KLHL32: variants seen among roughly 807,000 people sequenced by gnomAD.
The protein encoded by KLHL32 is kelch like family member 32.
KLHL32 carries 35 observed loss-of-function variants against 64.8 expected under a neutral mutation model. That is an observed-to-expected ratio of 0.54 (90% confidence interval 0.41 to 0.72). The LOEUF is 0.72. Ranked by LOEUF, KLHL32 falls within the 30% of genes least tolerant of loss-of-function variation. The pLI, the probability that KLHL32 is intolerant of heterozygous loss-of-function variation, is 0.00. For synonymous variants in KLHL32, 259 were observed against 281.0 expected, an observed-to-expected ratio of 0.92 and a Z score of 0.78; for missense variants, 589 against 768.5, an observed-to-expected ratio of 0.77 and a Z score of 2.76.
intron 5 of KLHL32, among the ~76,000 whole-genome samples, chr6:97,068,736 G>T (rs1273484460): frequency 6.6e-6 from 1 of 152,192 alleles, no homozygotes; most frequent in African/African-American, 2.4e-5. Context: ...TCACATAAAT[G>T]TAATTGCAGG....
chr6:96,938,092 G>A (rs1258284696), intron 1 of KLHL32, among the ~76,000 whole-genome samples: 1 of 151,776 alleles, frequency 6.6e-6, no homozygotes, highest in East Asian at 1.9e-4. Flanking sequence ...CAAACAAACA[G>A]AAAAACCCTT....
chr6:97,033,647 A>G (rs140386617), intron 3 of KLHL32, among the ~76,000 whole-genome samples: 6,463 of 152,192 alleles, frequency 0.042, 189 homozygotes, highest in Middle Eastern at 0.065. Flanking sequence ...ACAACCAACA[A>G]TAAACAAGGA....
chr6:96,955,497 G>A (rs539982243), intron 1 of KLHL32, among the ~76,000 whole-genome samples: 294 of 152,154 alleles, frequency 1.9e-3, no homozygotes, highest in African/African-American at 6.6e-3. Flanking sequence ...TTCCTCAAGA[G>A]AAAGATGAAA....
At chr6:97,132,908 A>G (rs1240328960) in intron 10 of KLHL32, among the ~76,000 whole-genome samples, 161 bp downstream of exon 10, 1 of 152,244 alleles carries the variant, frequency 6.6e-6, no homozygotes, top group Non-Finnish European at 1.5e-5. Flanking sequence ...CCTGTATCCT[A>G]AAAATGATGC....
At chr6:97,012,586 C>T (rs1048122988) in intron 3 of KLHL32, among the ~76,000 whole-genome samples, 14 of 152,214 alleles carry the variant, frequency 9.2e-5, no homozygotes, top group African/African-American at 3.4e-4. Context: ...GGTACTATCA[C>T]AGTAGCAAGG....
At chr6:96,992,289 G>T (rs1777971874) in intron 3 of KLHL32, among the ~76,000 whole-genome samples, 1 of 152,208 alleles carries the variant, frequency 6.6e-6, no homozygotes, top group Non-Finnish European at 1.5e-5. Context: ...GACTCTCACT[G>T]ACTCACTCAC....
intron 3 of KLHL32, among the ~76,000 whole-genome samples, chr6:97,011,456 A>C (rs1319537467): frequency 1.3e-5 from 2 of 152,216 alleles, no homozygotes; most frequent in Non-Finnish European, 2.9e-5. Context: ...GTGGGAGTGA[A>C]TCTCAAAGCT....
the KLHL32 span, among the ~76,000 whole-genome samples, chr6:96,909,316 G>C: frequency 1.3e-5 from 2 of 152,152 alleles, no homozygotes; most frequent in Non-Finnish European, 2.9e-5. Flanking sequence ...AAAATTAACT[G>C]CTCTGTTCTG....
At chr6:96,960,857 G>A (rs1773808351) in intron 1 of KLHL32, among the ~76,000 whole-genome samples, 1 of 152,216 alleles carries the variant, frequency 6.6e-6, no homozygotes, top group African/African-American at 2.4e-5. Flanking sequence ...TTGGCATTTG[G>A]TTGAAAGAGT....
At chr6:97,106,357 A>C (rs1796407381) in intron 6 of KLHL32, among the ~76,000 whole-genome samples, 1 of 152,158 alleles carries the variant, frequency 6.6e-6, no homozygotes, top group Non-Finnish European at 1.5e-5. Flanking sequence ...ATCAGTAGGG[A>C]TATGCTGAGA....
intron 3 of KLHL32, chr6:96,999,493 T>A (rs1778783535): frequency 1.1e-6 from 1 of 939,234 alleles, no homozygotes; most frequent in Non-Finnish European, 1.3e-6. Flanking sequence ...TACTCATCTG[T>A]TTTCACCATA....
intron 5 of KLHL32, among the ~76,000 whole-genome samples, chr6:97,084,538 A>G (rs568976154): frequency 1.3e-5 from 2 of 152,380 alleles, no homozygotes; most frequent in Admixed American, 1.3e-4. Context: ...TGGATTCAAT[A>G]TAGAATTATT....
At chr6:97,089,704 C>T (rs963433251) in intron 6 of KLHL32, among the ~76,000 whole-genome samples, 4 of 150,026 alleles carry the variant, frequency 2.7e-5, no homozygotes, top group African/African-American at 7.4e-5. Flanking sequence ...TCAGTTGAAG[C>T]GAGAGGCAGA....
the KLHL32 span, among the ~76,000 whole-genome samples, chr6:96,918,369 CAT>C: frequency 6.6e-6 from 1 of 152,142 alleles, no homozygotes; most frequent in African/African-American, 2.4e-5. Flanking sequence ...GTTCTTATGA[CAT>C]ATTTTTACCT....
intron 5 of KLHL32, among the ~76,000 whole-genome samples, chr6:97,074,943 T>C (rs1251777258): frequency 6.6e-6 from 1 of 152,040 alleles, no homozygotes; most frequent in African/African-American, 2.4e-5. Context: ...TCAGGTTTAG[T>C]GAACTTTGAA....
chr6:97,015,409 A>C (rs1781020800), intron 3 of KLHL32, among the ~76,000 whole-genome samples: 1 of 152,182 alleles, frequency 6.6e-6, no homozygotes, highest in African/African-American at 2.4e-5. Flanking sequence ...CAAAATGCTG[A>C]TATGATGTAG....
intron 6 of KLHL32, among the ~76,000 whole-genome samples, chr6:97,087,170 A>G (rs1793544624): frequency 6.6e-6 from 1 of 152,246 alleles, no homozygotes; most frequent in Non-Finnish European, 1.5e-5. Flanking sequence ...TCACATAAAT[A>G]TTATCAATTT....
intron 3 of KLHL32, among the ~76,000 whole-genome samples, chr6:96,979,232 T>A (rs1283945956): frequency 6.6e-6 from 1 of 152,200 alleles, no homozygotes; most frequent in Non-Finnish European, 1.5e-5. Flanking sequence ...ATGTCCAGAA[T>A]GGTATTTCCT....
chr6:96,983,661 A>G (rs921802900), intron 3 of KLHL32, among the ~76,000 whole-genome samples: 1 of 152,158 alleles, frequency 6.6e-6, no homozygotes, highest in African/African-American at 2.4e-5. Flanking sequence ...TTTCTAGTTT[A>G]TTTGCATAGA....
Sources: gnomAD v4.1 joint callset for allele counts (sites outside exome capture counted in the v4.1 genomes callset) on GRCh38, gnomAD v4.1.1 for gene constraint, MANE v1.5 for transcripts, NCBI Gene and HGNC (gene_info 2026-07-23, HGNC 2026-07-21) for gene names.